Variants in DPYD observed in about 807,000 individuals in gnomAD.
The protein encoded by DPYD is dihydropyrimidine dehydrogenase.
Under a neutral mutation model 116.2 loss-of-function variants are expected in DPYD, and 109 were observed. The ratio of observed to expected loss-of-function variants is 0.94; its 90% CI spans 0.80 to 1.10. The LOEUF is 1.10. Among genes scored for constraint, DPYD ranks in the 50% least tolerant of loss-of-function variants. The pLI is 0.00. For synonymous variants in DPYD, 440 were observed against 432.0 expected, an observed-to-expected ratio of 1.02 and a Z score of -0.23; for missense variants, 1,302 against 1,254.5, an observed-to-expected ratio of 1.04 and a Z score of -0.57.
chr1:97,843,500 G>C (rs1179050479), intron 2 of DPYD, among the ~76,000 whole-genome samples: 1 of 152,140 alleles, frequency 6.6e-6, no homozygotes. Flanking sequence ...ACAATCCCCA[G>C]TGGACATTAC....
chr1:97,785,464 T>C (rs1666966684), intron 3 of DPYD, among the ~76,000 whole-genome samples: 1 of 152,106 alleles, frequency 6.6e-6, no homozygotes, highest in Non-Finnish European at 1.5e-5. Flanking sequence ...AGAAAATAAT[T>C]ACTTACACAC....
chr1:97,191,364 A>G (rs188271373), intron 20 of DPYD, among the ~76,000 whole-genome samples: 1 of 152,158 alleles, frequency 6.6e-6, no homozygotes, highest in African/African-American at 2.4e-5. Context: ...CCAGAAGCAC[A>G]AATCTATTAC....
At chr1:97,707,343 G>A (rs1662026673) in intron 5 of DPYD, among the ~76,000 whole-genome samples, 1 of 151,940 alleles carries the variant, frequency 6.6e-6, no homozygotes, top group Admixed American at 6.6e-5. Context: ...TGCACATTGT[G>A]CAGGTCAGTT....
intron 15 of DPYD, among the ~76,000 whole-genome samples, chr1:97,376,887 G>GTGTGTGTGTGTGTATATATATATATATA: frequency 2.4e-4 from 31 of 128,452 alleles, no homozygotes; most frequent in Admixed American, 1.5e-3. Context: ...GTGTGTGTGT[G>GTGTGTGTGTGTGTATATATATATATATA]TATATATATA....
intron 22 of DPYD, 136 bp from the exon 23 acceptor site, chr1:97,079,282 A>G (rs1000856205): frequency 1.7e-5 from 15 of 859,008 alleles, no homozygotes; most frequent in Non-Finnish European, 2.8e-5. Flanking sequence ...TGGTGCAACT[A>G]TAGCAACAGT....
chr1:97,497,564 A>G (rs539752065), intron 13 of DPYD, among the ~76,000 whole-genome samples: 1 of 151,874 alleles, frequency 6.6e-6, no homozygotes, highest in Non-Finnish European at 1.5e-5. Context: ...GGAAATTATT[A>G]GGCCTTCATA....
chr1:97,755,978 A>C (rs950611416), intron 3 of DPYD, among the ~76,000 whole-genome samples: 1 of 152,182 alleles, frequency 6.6e-6, no homozygotes, highest in Non-Finnish European at 1.5e-5. Context: ...GCTATGGTGA[A>C]AACTGTAAAA....
At position 97,821,648 on chromosome 1, in the gene DPYD, C is replaced by A. The variant is rs1412036414; in HGVS notation, c.233+6466G>T. ...TCAGAAATGCTGTATAAGATTTCCA[C>A]ACCCATGGCACTACAATAGACTATG... On this transcript the variant is annotated intron_variant, in intron 3 of 22. Coordinates refer to ENST00000370192, the MANE Select transcript of DPYD (RefSeq NM_000110.4). Among the ~76,000 whole-genome samples the A allele has an allele frequency of 2.6e-5, 4 of 152,078 alleles. No individual in the cohort carries two copies. In the East Asian group the frequency reaches 7.7e-4, roughly 29 times the overall value.
At chr1:97,835,575 A>C (rs892041089) in intron 2 of DPYD, among the ~76,000 whole-genome samples, 8 of 152,202 alleles carry the variant, frequency 5.3e-5, no homozygotes, top group African/African-American at 1.9e-4. Context: ...ATTCATTCCT[A>C]TATCTATGAG....
chr1:97,387,715 G>C (rs914172293), intron 14 of DPYD, among the ~76,000 whole-genome samples: 2 of 152,094 alleles, frequency 1.3e-5, no homozygotes, highest in Non-Finnish European at 2.9e-5. Flanking sequence ...AGCCAGGTAT[G>C]TAGAAGTAAC....
chr1:97,796,605 G>C (rs1219932505), intron 3 of DPYD, among the ~76,000 whole-genome samples: 1 of 152,074 alleles, frequency 6.6e-6, no homozygotes, highest in African/African-American at 2.4e-5. Context: ...GAGACTCAGG[G>C]AGAGAGTCTG....
At chr1:97,687,159 T>C (rs61789254) in intron 7 of DPYD, among the ~76,000 whole-genome samples, 9,012 of 152,106 alleles carry the variant, frequency 0.059, 399 homozygotes, top group Non-Finnish European at 0.078. Flanking sequence ...TAATCCCAGC[T>C]ACTTGGGACA....
intron 19 of DPYD, among the ~76,000 whole-genome samples, chr1:97,215,880 C>CT (rs1164997012): frequency 6.6e-6 from 1 of 152,114 alleles, no homozygotes; most frequent in African/African-American, 2.4e-5. Context: ...AAAATAATGA[C>CT]TACAGACTCT....
chr1:97,835,510 T>C, intron 2 of DPYD, among the ~76,000 whole-genome samples: 1 of 152,230 alleles, frequency 6.6e-6, no homozygotes, highest in Admixed American at 6.5e-5. Flanking sequence ...AGTAATATTT[T>C]AGTACTTTTT....
At chr1:97,681,505 C>G (rs1042520636) in intron 7 of DPYD, among the ~76,000 whole-genome samples, 1 of 151,872 alleles carries the variant, frequency 6.6e-6, no homozygotes, top group African/African-American at 2.4e-5. Context: ...AGGGGACAAC[C>G]AAGGTGAGAT....
intron 7 of DPYD, among the ~76,000 whole-genome samples, chr1:97,679,504 T>G (rs191787183): frequency 6.6e-6 from 1 of 152,278 alleles, no homozygotes; most frequent in Admixed American, 6.5e-5. Context: ...AAGACACATT[T>G]CCAGCATCAA....
chr1:97,415,356 C>T (rs1278999332), intron 14 of DPYD, among the ~76,000 whole-genome samples: 1 of 152,180 alleles, frequency 6.6e-6, no homozygotes, highest in Non-Finnish European at 1.5e-5. Context: ...TTATTAGAGA[C>T]TCACACTGTC....
At chr1:97,408,893 G>T (rs1434650983) in intron 14 of DPYD, among the ~76,000 whole-genome samples, 2 of 152,060 alleles carry the variant, frequency 1.3e-5, no homozygotes, top group Non-Finnish European at 2.9e-5. Flanking sequence ...TCAGCTTTTG[G>T]ACTCTTGGAC....
At chr1:97,316,301 C>T (rs146665730) in intron 16 of DPYD, among the ~76,000 whole-genome samples, 24 of 150,984 alleles carry the variant, frequency 1.6e-4, no homozygotes, top group Non-Finnish European at 3.5e-4. Context: ...ACCACCCTGG[C>T]CCACATGGCA....
Sources: allele counts gnomAD v4.1 joint callset (sites outside exome capture counted in the v4.1 genomes callset), GRCh38; gene constraint gnomAD v4.1.1; transcripts MANE v1.5; gene names NCBI Gene and HGNC (gene_info 2026-07-23, HGNC 2026-07-21).